The following ODR4 variants were observed in gnomAD, a reference collection of about 807,000 sequenced individuals.
ODR4 encodes the protein odr-4 GPCR localization factor homolog.
A neutral mutation model predicts 60.2 loss-of-function variants in ODR4; 47 were observed. The observed-to-expected ratio is 0.78, with a 90% CI of 0.62 to 1.00. The LOEUF is 1.00. Among genes scored for constraint, ODR4 ranks in the 50% least tolerant of loss-of-function variants. The pLI is 0.00. For synonymous variants in ODR4, 178 were observed against 175.5 expected, an observed-to-expected ratio of 1.01 and a Z score of -0.11; for missense variants, 488 against 530.8, an observed-to-expected ratio of 0.92 and a Z score of 0.79.
Position 186,421,370 on chromosome 1 carries a change from CATT to C in ODR4, c.*2296_*2298del, listed in dbSNP as rs983182563. The C allele has an allele frequency of 2.0e-5, 3 of 152,004 alleles. No individual in the cohort carries two copies. Among genetic ancestry groups the C allele is most frequent in the African/African-American group, 7.3e-5 (3 of 41,356 alleles). The allele number at this position is 152,004 out of a possible 1,614,324, so 9.4% of individuals were successfully genotyped here. A position where few individuals can be genotyped will look rare whatever the true frequency, so the allele number is the denominator to read the frequency against. On this transcript the variant is annotated 3_prime_UTR_variant, in exon 14 of 14. Coordinates refer to ENST00000287859, the MANE Select transcript of ODR4 (RefSeq NM_017847.6). ...AAACTAAATAAACATTGTTATGCAA[CATT>C]AATAATGTGGAATTTTTAAATAAGG...
intron 12 of ODR4, 52 bp downstream of exon 12, chr1:186,406,320 A>T: frequency 7.5e-7 from 1 of 1,342,242 alleles, no homozygotes; most frequent in Non-Finnish European, 1.0e-6. Context: ...CTAAGATTTT[A>T]CCTATGAGAT....
chr1:186,391,451 C>T (rs1660466140), intron 7 of ODR4, among the ~76,000 whole-genome samples: 1 of 150,952 alleles, frequency 6.6e-6, no homozygotes, highest in African/African-American at 2.4e-5. Context: ...TTAATAACCT[C>T]CTGAGTCTGT....
At position 186,410,033 on chromosome 1, in the gene ODR4, T is replaced by A. The variant is rs111684384; in HGVS notation, c.1186+3765T>A. Among the ~76,000 whole-genome samples, 106 of 152,350 alleles carry A rather than the reference T, an allele frequency of 7.0e-4. 2 individuals carry two copies. The highest frequency in any genetic ancestry group is 2.4e-3 in the African/African-American group (99 of 41,580). ...CATATTTAATGTTGATCTTTCACATTAGACTATAAGATTTTTGAGAGTAAG... is the reference window on the plus strand; with the variant it reads ...CATATTTAATGTTGATCTTTCACATAAGACTATAAGATTTTTGAGAGTAAG... On this transcript the variant is annotated intron_variant, in intron 12 of 13. Transcript: ENST00000287859.
intron 5 of ODR4, among the ~76,000 whole-genome samples, chr1:186,389,299 T>G (rs1052589928): frequency 6.6e-6 from 1 of 152,108 alleles, no homozygotes; most frequent in African/African-American, 2.4e-5. Flanking sequence ...GAGAAGAATC[T>G]CACGAGTGCT....
chr1:186,419,300 A>C lies in ODR4; in HGVS notation c.*224A>C. ...TTTCCAGAAATAACGTTATGCATCT[A>C]GATGGAAGCTGCATGTAACAAATCA... On this transcript the variant is annotated 3_prime_UTR_variant, in exon 14 of 14. Coordinates refer to ENST00000287859, the MANE Select transcript of ODR4 (RefSeq NM_017847.6). The C allele has an allele frequency of 1.8e-6, 1 of 547,476 alleles. No homozygotes were observed. Among genetic ancestry groups the C allele is most frequent in the Non-Finnish European group, 3.3e-6 (1 of 307,186 alleles). The allele number at this position is 547,476 out of a possible 1,614,324, so 33.9% of individuals were successfully genotyped here.
chr1:186,395,246 C>T (rs1417613075), intron 9 of ODR4, among the ~76,000 whole-genome samples: 2 of 148,342 alleles, frequency 1.3e-5, no homozygotes, highest in Non-Finnish European at 3.0e-5. Flanking sequence ...AGGCGCCTGC[C>T]ACCACACCTG....
chr1:186,413,494 T>A (rs905613832), intron 12 of ODR4, among the ~76,000 whole-genome samples: 4 of 152,178 alleles, frequency 2.6e-5, no homozygotes, highest in Non-Finnish European at 5.9e-5. Flanking sequence ...AGGTGAGGGA[T>A]AACTATGGCT....
chr1:186,423,442 G>GTTTT (rs1661830742), downstream of ODR4, among the ~76,000 whole-genome samples: 1 of 67,538 alleles, frequency 1.5e-5, no homozygotes, highest in Non-Finnish European at 3.0e-5. Context: ...CACTACTTGT[G>GTTTT]CTTTTTTTTT....
At chr1:186,408,252 T>A (rs1279709725) in intron 12 of ODR4, among the ~76,000 whole-genome samples, 1 of 152,136 alleles carries the variant, frequency 6.6e-6, no homozygotes, top group East Asian at 1.9e-4. Context: ...TTTTAGGGTC[T>A]GTGCTTCTTT....
chr1:186,418,158 T>A (rs1345451005), intron 13 of ODR4, among the ~76,000 whole-genome samples: 23 of 152,234 alleles, frequency 1.5e-4, no homozygotes, highest in Non-Finnish European at 3.2e-4. Context: ...TTAAGACTTC[T>A]GACTGAGAGT....
intron 11 of ODR4, among the ~76,000 whole-genome samples, chr1:186,402,083 CTCTT>C (rs1660979984): frequency 6.6e-6 from 1 of 151,950 alleles, no homozygotes; most frequent in Non-Finnish European, 1.5e-5. Context: ...TTCTCTCTCT[CTCTT>C]TTTCTTCTTC....
At chr1:186,408,082 A>T (rs1478401009) in intron 12 of ODR4, among the ~76,000 whole-genome samples, 1 of 152,278 alleles carries the variant, frequency 6.6e-6, no homozygotes, top group Non-Finnish European at 1.5e-5. Context: ...AGAGTCTTAC[A>T]AATACTAAAT....
the ODR4 span, among the ~76,000 whole-genome samples, chr1:186,432,549 T>C: frequency 6.6e-6 from 1 of 152,168 alleles, no homozygotes; most frequent in Non-Finnish European, 1.5e-5. Context: ...TCTGGTTTCT[T>C]TGCTGGTTAC....
At chr1:186,391,201 AGCT>A (rs1660455592) in intron 7 of ODR4, among the ~76,000 whole-genome samples, 1 of 152,080 alleles carries the variant, frequency 6.6e-6, no homozygotes, top group African/African-American at 2.4e-5. Flanking sequence ...TAATGTAAGA[AGCT>A]ATACTGTTTG....
intron 1 of ODR4, among the ~76,000 whole-genome samples, chr1:186,378,591 T>A (rs1659886835): frequency 6.6e-6 from 1 of 152,178 alleles, no homozygotes; most frequent in African/African-American, 2.4e-5. Context: ...CCCGTAGTAA[T>A]GATTTAATTG....
intron 11 of ODR4, chr1:186,401,228 G>T (rs759913292): frequency 1.4e-6 from 2 of 1,459,166 alleles, no homozygotes; most frequent in South Asian, 2.3e-5. Flanking sequence ...CCTAACAGCA[G>T]TTGTACTGTT....
downstream of ODR4, among the ~76,000 whole-genome samples, chr1:186,425,929 C>A (rs1368431587): frequency 6.6e-6 from 1 of 152,104 alleles, no homozygotes; most frequent in African/African-American, 2.4e-5. Flanking sequence ...TAGTTTATTT[C>A]TCTCTTCTCC....
chr1:186,426,071 A>G (rs915247187), downstream of ODR4, among the ~76,000 whole-genome samples: 7 of 152,178 alleles, frequency 4.6e-5, no homozygotes, highest in Non-Finnish European at 1.0e-4. Flanking sequence ...TATTAGTTCT[A>G]CCTTTCACGT....
chr1:186,392,327 A>G (rs995667290), intron 8 of ODR4, among the ~76,000 whole-genome samples: 4 of 152,232 alleles, frequency 2.6e-5, no homozygotes, highest in African/African-American at 7.2e-5. Context: ...GTAAAGACAC[A>G]TGCATGCATT....
Sources: allele counts gnomAD v4.1 joint callset (sites outside exome capture counted in the v4.1 genomes callset), GRCh38; gene constraint gnomAD v4.1.1; transcripts MANE v1.5; gene names NCBI Gene and HGNC (gene_info 2026-07-23, HGNC 2026-07-21).